The following CD58 variants were observed in gnomAD, a reference collection of about 807,000 sequenced individuals.
CD58 encodes CD58 molecule.
Under a neutral mutation model 27.6 loss-of-function variants are expected in CD58, and 14 were observed. The ratio of observed to expected loss-of-function variants is 0.51; its 90% CI spans 0.34 to 0.79. The LOEUF (loss-of-function observed/expected upper bound fraction) is 0.79. Among genes scored for constraint, CD58 ranks in the 30% least tolerant of loss-of-function variants. The pLI is 0.02. For missense variants in CD58, 268 were observed against 301.7 expected, an observed-to-expected ratio of 0.89 and a Z score of 0.83; for synonymous variants, 117 against 103.8, an observed-to-expected ratio of 1.13 and a Z score of -0.77.
Position 116,534,641 on chromosome 1 carries a change from G to A in CD58, c.628+1324C>T, listed in dbSNP as rs746211269. ...GGCCGCTCCAGGCCCCAAGCCCCAG[G>A]CCCGCCGCGGCGGCGCTGCCCACCC... On this transcript the variant is annotated intron_variant, in intron 3 of 5. Coordinates refer to ENST00000369489, the MANE Select transcript of CD58 (RefSeq NM_001779.3). The surrounding 1 kb of genome is among the most constrained non-coding windows in gnomAD (Gnocchi z 5.3). Among the ~76,000 whole-genome samples the A allele has an allele frequency of 2.0e-5, 3 of 152,200 alleles. No homozygotes were observed. The highest frequency in any genetic ancestry group is 7.2e-5 in the African/African-American group (3 of 41,458).
At position 116,519,338 on chromosome 1, in the gene CD58, G is replaced by A. The variant is rs774949975; in HGVS notation, c.707-71C>T. ...AAGGTGAAATGTGGAGTTACTGACT[G>A]CCTATTAGAGGCCTAAATATGGAAA... is the stretch of plus-strand genomic sequence containing the variant. On this transcript the variant is annotated intron_variant, in intron 4 of 5. Coordinates refer to ENST00000369489, the MANE Select transcript of CD58 (RefSeq NM_001779.3). This position sits in a 1 kb window ranked among gnomAD's most constrained non-coding sequence, Gnocchi z 4.7. 7.2e-7 allele frequency: 1 copy of A among 1,389,380 alleles called. No homozygotes were observed. The allele number at this position is 1,389,380 out of a possible 1,614,324, so 86.1% of individuals were successfully genotyped here.
intron 5 of CD58, among the ~76,000 whole-genome samples, 159 bp from the exon 6 acceptor site, chr1:116,514,981 C>T (rs1657029369): frequency 6.6e-6 from 1 of 152,178 alleles, no homozygotes; most frequent in Admixed American, 6.5e-5. Context: ...GAAGAACTGC[C>T]TTGAGTGCTC....
rs1657374016 is a variant in CD58, at chr1:116,524,636, A to G, written c.629-2653T>C. ...CTGAATCTCCTTTCTTTCATGCCAAACATCCCAATATTCAATAACAACAAT... is the reference window on the plus strand; with the variant it reads ...CTGAATCTCCTTTCTTTCATGCCAAGCATCCCAATATTCAATAACAACAAT... On this transcript the variant is annotated intron_variant, in intron 3 of 5. Transcript: ENST00000369489. The surrounding 1 kb of genome is among the most constrained non-coding windows in gnomAD (Gnocchi z 4.6). 1.3e-5 allele frequency among the ~76,000 whole-genome samples: 2 copies of G among 152,252 alleles called. No homozygotes were observed. Among genetic ancestry groups the G allele is most frequent in the Admixed American group, 1.3e-4 (2 of 15,284 alleles).
At chr1:116,526,003 A>G (rs148415863) in intron 3 of CD58, among the ~76,000 whole-genome samples, 27 of 152,210 alleles carry the variant, frequency 1.8e-4, no homozygotes, top group African/African-American at 6.5e-4. Flanking sequence ...TCCTTGGAGA[A>G]GTGTGTGATG....
intron 1 of CD58, among the ~76,000 whole-genome samples, chr1:116,553,068 C>T (rs887494411): frequency 6.6e-6 from 1 of 151,824 alleles, no homozygotes; most frequent in African/African-American, 2.4e-5. Context: ...ATTTTCCCAA[C>T]CTTTAAAAAT....
In CD58 at chr1:116,524,113, A is replaced by T. The variant is rs1199026897; in HGVS notation, c.629-2130T>A. 6.6e-6 allele frequency among the ~76,000 whole-genome samples: 1 copy of T among 152,174 alleles called. No individual in the cohort carries two copies. The highest frequency in any genetic ancestry group is 1.5e-5 in the Non-Finnish European group (1 of 68,038). ...TTGATAGCTTTCTTGTTCTGTGGTA[A>T]AATAAGATACTCAAGGCTTATTTTA... On this transcript the variant is annotated intron_variant, in intron 3 of 5. Transcript: ENST00000369489. The surrounding 1 kb of genome is among the most constrained non-coding windows in gnomAD (Gnocchi z 4.6).
At chr1:116,533,565 T>C (rs1221301108) in intron 3 of CD58, 8 of 716,300 alleles carry the variant, frequency 1.1e-5, no homozygotes, top group South Asian at 4.1e-5. Flanking sequence ...CCTGGACTAA[T>C]TCACTTAGCA....
rs1657289865 is a variant in CD58, at chr1:116,522,439, T to G, written c.629-456A>C. Among the ~76,000 whole-genome samples the G allele has an allele frequency of 1.3e-5, 2 of 152,184 alleles. No homozygotes were observed. The highest frequency in any genetic ancestry group is 2.9e-5 in the Non-Finnish European group (2 of 68,020). On this transcript the variant is annotated intron_variant, in intron 3 of 5. Coordinates refer to ENST00000369489, the MANE Select transcript of CD58 (RefSeq NM_001779.3). This position sits in a 1 kb window ranked among gnomAD's most constrained non-coding sequence, Gnocchi z 4.6. ...CACTTAGGCATGAGTTACAGTGCTG[T>G]TGGCTATGAGTTCAAGGTCAATAAA... is the stretch of plus-strand genomic sequence containing the variant.
chr1:116,540,622 G>A (rs1657958970), intron 2 of CD58, among the ~76,000 whole-genome samples: 2 of 152,090 alleles, frequency 1.3e-5, no homozygotes, highest in African/African-American at 4.8e-5. Context: ...GCTACAAGCT[G>A]ATGTCCAGAC....
intron 3 of CD58, chr1:116,533,229 T>C (rs899352394): frequency 1.2e-5 from 10 of 808,734 alleles, no homozygotes; most frequent in African/African-American, 1.2e-4. Context: ...GAAAAATGAC[T>C]CATTGGATAC....
chr1:116,555,156 C>A (rs1273530062), intron 1 of CD58, among the ~76,000 whole-genome samples: 1 of 152,012 alleles, frequency 6.6e-6, no homozygotes, highest in African/African-American at 2.4e-5. Flanking sequence ...AATAACCATG[C>A]CAGAGTGCAG....
chr1:116,549,547 A>G (rs1172125875), intron 1 of CD58, among the ~76,000 whole-genome samples: 3 of 152,230 alleles, frequency 2.0e-5, no homozygotes, highest in African/African-American at 7.2e-5. Flanking sequence ...AAGAGTTTCA[A>G]ACAGGATGGG....
At chr1:116,526,831 C>A (rs1184049725) in intron 3 of CD58, among the ~76,000 whole-genome samples, 1 of 152,162 alleles carries the variant, frequency 6.6e-6, no homozygotes. Flanking sequence ...GAATATCTCT[C>A]CATTTATTTA....
chr1:116,569,173 T>C (rs1182159362), intron 1 of CD58, among the ~76,000 whole-genome samples: 1 of 152,204 alleles, frequency 6.6e-6, no homozygotes, highest in Non-Finnish European at 1.5e-5. Flanking sequence ...CCAGCTTGCC[T>C]GGAGGAGAGT....
chr1:116,533,732 C>A, intron 3 of CD58: 2 of 698,890 alleles, frequency 2.9e-6, no homozygotes, highest in Admixed American at 1.9e-5. Context: ...CATTCTGATT[C>A]CATATCAGAT....
At chr1:116,542,550 T>C (rs921262896) in intron 2 of CD58, among the ~76,000 whole-genome samples, 1 of 152,204 alleles carries the variant, frequency 6.6e-6, no homozygotes. Context: ...AGATTTTCTA[T>C]AAAGTGAAGA....
intron 2 of CD58, among the ~76,000 whole-genome samples, chr1:116,544,001 T>C (rs1182338826): frequency 6.6e-6 from 1 of 152,200 alleles, no homozygotes; most frequent in African/African-American, 2.4e-5. Flanking sequence ...AGGAACTTTA[T>C]AGAGTAACAT....
chr1:116,536,435 G>A lies in CD58; in HGVS notation c.365-207C>T, dbSNP rs146797635. ...CAGAATAAATTCAGACCCTGATATG[G>A]TTTGGCTCTGGGTCCTCACCCAAAT... On this transcript the variant is annotated intron_variant, in intron 2 of 5. Coordinates refer to ENST00000369489, the MANE Select transcript of CD58 (RefSeq NM_001779.3). This position sits in a 1 kb window ranked among gnomAD's most constrained non-coding sequence, Gnocchi z 5.4. Among the ~76,000 whole-genome samples the A allele has an allele frequency of 4.7e-3, 711 of 152,212 alleles. 2 individuals carry two copies. The highest frequency in any genetic ancestry group is 0.016 in the African/African-American group (675 of 41,528).
intron 3 of CD58, among the ~76,000 whole-genome samples, chr1:116,535,338 T>TACTA (rs1657758388): frequency 1.3e-5 from 2 of 152,342 alleles, no homozygotes; most frequent in Admixed American, 1.3e-4. Flanking sequence ...TTCTGCCACT[T>TACTA]ACTAGCTGTT....
Sources: gnomAD v4.1 joint callset for allele counts (sites outside exome capture counted in the v4.1 genomes callset) on GRCh38, gnomAD v4.1.1 for gene constraint, Gnocchi (gnomAD v3.1) non-coding constraint, MANE v1.5 for transcripts, NCBI Gene and HGNC (gene_info 2026-07-23, HGNC 2026-07-21) for gene names.